The following NKAIN1 variants were observed in gnomAD, a reference collection of about 807,000 sequenced individuals.
NKAIN1 encodes sodium/potassium transporting ATPase interacting 1.
NKAIN1 carries 13 observed loss-of-function variants against 31.6 expected under a neutral mutation model. The ratio of observed to expected loss-of-function variants is 0.41; its 90% CI spans 0.27 to 0.65. The LOEUF is 0.65. NKAIN1 is among the 30% of genes least tolerant of loss of function. The probability of loss-of-function intolerance (pLI) is 0.30; values close to 1 mark genes in which losing one functional copy is unlikely to be tolerated. For synonymous variants in NKAIN1, 104 were observed against 109.0 expected (o/e 0.95, Z 0.28); for missense variants, 193 against 262.2 (o/e 0.74, Z 1.82).
chr1:31,198,250 A>G (rs564528015), intron 1 of NKAIN1, among the ~76,000 whole-genome samples: 2 of 152,166 alleles, frequency 1.3e-5, no homozygotes, highest in South Asian at 4.1e-4. Context: ...AGAGTGCCCC[A>G]AAGCTACATC....
chr1:31,198,376 C>T (rs1032286583), intron 1 of NKAIN1, among the ~76,000 whole-genome samples: 4 of 152,146 alleles, frequency 2.6e-5, no homozygotes, highest in Non-Finnish European at 4.4e-5. Context: ...CAGTGAACAG[C>T]TCATTGTGAA....
chr1:31,188,905 C>T (rs745937310), intron 1 of NKAIN1, among the ~76,000 whole-genome samples: 2 of 151,694 alleles, frequency 1.3e-5, no homozygotes, highest in African/African-American at 4.8e-5. Context: ...CCCAGCTATT[C>T]GGGAGGCTTA....
intron 1 of NKAIN1, among the ~76,000 whole-genome samples, chr1:31,232,153 G>A (rs1256498330): frequency 8.1e-5 from 12 of 149,034 alleles, no homozygotes; most frequent in African/African-American, 2.7e-4. Flanking sequence ...GTGCAATGGC[G>A]TGATCTTGGC....
chr1:31,192,254 A>G (rs1039383957), intron 1 of NKAIN1, among the ~76,000 whole-genome samples: 5 of 152,096 alleles, frequency 3.3e-5, no homozygotes, highest in Non-Finnish European at 7.4e-5. Flanking sequence ...ACACCCAACA[A>G]TCATTCACTC....
At chr1:31,185,094 A>G (rs116236549) in intron 3 of NKAIN1, 153 bp downstream of exon 3, 6,899 of 639,988 alleles carry the variant, frequency 0.011, 238 homozygotes, top group East Asian at 0.092. Flanking sequence ...AAATTGTGTA[A>G]GTAGGAAATG....
chr1:31,234,707 C>T (rs1645682082), intron 1 of NKAIN1, among the ~76,000 whole-genome samples: 1 of 152,146 alleles, frequency 6.6e-6, no homozygotes, highest in Admixed American at 6.5e-5. Flanking sequence ...CACTGGCTCA[C>T]AGTGCAGGCA....
At chr1:31,236,478 G>A (rs962597452) in intron 1 of NKAIN1, among the ~76,000 whole-genome samples, 2 of 152,080 alleles carry the variant, frequency 1.3e-5, no homozygotes, top group Non-Finnish European at 2.9e-5. Flanking sequence ...AGAAAACCAA[G>A]ACTCCCTTCT....
chr1:31,181,327 G>T lies in NKAIN1; in HGVS notation c.*376C>A. ...GAGTGTGGTGGGATGGGATGGGTCT[G>T]ATGTCCTGCTGTTTTTGGACAGGGG... On this transcript the variant is annotated 3_prime_UTR_variant, in exon 7 of 7. Coordinates refer to ENST00000373736, the MANE Select transcript of NKAIN1 (RefSeq NM_024522.3). The T allele has an allele frequency of 4.5e-6, 1 of 221,660 alleles. No homozygotes were observed. Among genetic ancestry groups the T allele is most frequent in the Non-Finnish European group, 8.8e-6 (1 of 113,910 alleles). The allele number at this position is 221,660 out of a possible 1,614,324, so 13.7% of individuals were successfully genotyped here. A position where few individuals can be genotyped will look rare whatever the true frequency, so the allele number is the denominator to read the frequency against.
At chr1:31,209,566 C>T (rs1447628161) in intron 1 of NKAIN1, among the ~76,000 whole-genome samples, 1 of 152,040 alleles carries the variant, frequency 6.6e-6, no homozygotes, top group Non-Finnish European at 1.5e-5. Context: ...TGCCTGTAAT[C>T]CCAATGTTTT....
At chr1:31,210,149 C>T (rs1645456576) in intron 1 of NKAIN1, among the ~76,000 whole-genome samples, 1 of 152,120 alleles carries the variant, frequency 6.6e-6, no homozygotes, top group African/African-American at 2.4e-5. Flanking sequence ...TGCATTATGT[C>T]TTAGTAATGC....
At chr1:31,221,459 C>T (rs1056164122) in intron 1 of NKAIN1, among the ~76,000 whole-genome samples, 5 of 152,070 alleles carry the variant, frequency 3.3e-5, no homozygotes, top group Non-Finnish European at 7.4e-5. Context: ...TTTTTTGAGA[C>T]GGAGTCTTGC....
intron 3 of NKAIN1, among the ~76,000 whole-genome samples, chr1:31,184,291 C>T (rs1483974911): frequency 6.6e-6 from 1 of 152,144 alleles, no homozygotes; most frequent in Non-Finnish European, 1.5e-5. Flanking sequence ...ATCCTCAGTA[C>T]CAGCCCCTTA....
chr1:31,189,596 C>T (rs199709345), intron 1 of NKAIN1, among the ~76,000 whole-genome samples: 2 of 152,200 alleles, frequency 1.3e-5, no homozygotes, highest in Non-Finnish European at 2.9e-5. Context: ...GGATTATAGG[C>T]GTGAGCCACT....
At chr1:31,205,686 C>T (rs1422183294) in intron 1 of NKAIN1, among the ~76,000 whole-genome samples, 6 of 141,906 alleles carry the variant, frequency 4.2e-5, no homozygotes, top group Admixed American at 1.5e-4. Context: ...GGCACGATCT[C>T]GGCTCGGCTC....
chr1:31,182,650 C>T, intron 4 of NKAIN1, 60 bp from the exon 5 acceptor site: 1 of 1,589,324 alleles, frequency 6.3e-7, no homozygotes. Context: ...TCCTCCGCCC[C>T]CTGCCGGGCC....
intron 1 of NKAIN1, among the ~76,000 whole-genome samples, chr1:31,236,746 T>A (rs574819726): frequency 2.4e-4 from 36 of 152,318 alleles, no homozygotes; most frequent in South Asian, 1.9e-3. Flanking sequence ...AAGCCTCTAG[T>A]GCTGGTGAGC....
At chr1:31,221,952 C>G (rs1318732378) in intron 1 of NKAIN1, among the ~76,000 whole-genome samples, 4 of 152,046 alleles carry the variant, frequency 2.6e-5, no homozygotes, top group Admixed American at 6.6e-5. Context: ...GATCTTGGCT[C>G]ACTGCAACCT....
At chr1:31,195,882 C>A (rs1465648662) in intron 1 of NKAIN1, among the ~76,000 whole-genome samples, 2 of 126,124 alleles carry the variant, frequency 1.6e-5, no homozygotes, top group African/African-American at 6.1e-5. Context: ...CTGTGATAGC[C>A]TACCTGTCTC....
rs1229438878 is a variant in NKAIN1, at chr1:31,209,141, G to A, written c.55-20954C>T. 4.6e-5 allele frequency among the ~76,000 whole-genome samples: 7 copies of A among 152,246 alleles called. No individual in the cohort carries two copies. In the South Asian group the frequency reaches 6.2e-4, roughly 14 times the overall value. ...TGTAATTCCAGCACTTTGGGAGGCC[G>A]AGGCAGGTGGATCACCCGAGGTCAG... is the stretch of plus-strand genomic sequence containing the variant. On this transcript the variant is annotated intron_variant, in intron 1 of 6. Coordinates refer to ENST00000373736, the MANE Select transcript of NKAIN1 (RefSeq NM_024522.3).
Sources: allele counts gnomAD v4.1 joint callset (sites outside exome capture counted in the v4.1 genomes callset), GRCh38; gene constraint gnomAD v4.1.1; transcripts MANE v1.5; gene names NCBI Gene and HGNC (gene_info 2026-07-23, HGNC 2026-07-21).